MED16: variants seen among roughly 807,000 people sequenced by gnomAD.
The protein encoded by MED16 is mediator complex subunit 16, also known as mediator of RNA polymerase II transcription subunit 16.
MED16 carries 81 observed loss-of-function variants against 84.4 expected under a neutral mutation model. The ratio of observed to expected loss-of-function variants is 0.96; its 90% CI spans 0.80 to 1.15. The LOEUF (loss-of-function observed/expected upper bound fraction) is 1.15, where lower values mean the gene tolerates loss of function less well. Among genes scored for constraint, MED16 ranks in the 50% most tolerant of loss-of-function variants. The pLI, the probability that MED16 is intolerant of heterozygous loss-of-function variation, is 0.00. For missense variants in MED16, 1,585 were observed against 1,245.9 expected (o/e 1.27, Z -4.10); for synonymous variants, 897 against 552.2 (o/e 1.62, Z -8.76).
chr19:870,910 GCCGT>G, intron 13 of MED16, 123 bp downstream of exon 13: 2 of 917,526 alleles, frequency 2.2e-6, no homozygotes, highest in Non-Finnish European at 3.2e-6. Flanking sequence ...GAGGCGGGGA[GCCGT>G]GTGGATTCGG....
chr19:881,668 G>T lies in MED16; in HGVS notation c.1032C>A (p.Ala344=). The T allele has an allele frequency of 6.2e-7, 1 of 1,612,602 alleles. No individual in the cohort carries two copies. Residue 344 remains alanine (A), a synonymous_variant, in exon 7 of 16, where the codon GCC becomes GCA. Transcript: ENST00000325464. ...CCGACACACGGTCCAGATCGTTGGT[G>T]GCCGATAGGATCCGCCATTTGAGAA... is the stretch of plus-strand genomic sequence containing the variant. ...PTILKWRILS[A]TNDLDRVSAV...
chr19:870,796 G>A (rs1287038230), intron 13 of MED16, among the ~76,000 whole-genome samples: 2 of 148,556 alleles, frequency 1.3e-5, no homozygotes, highest in African/African-American at 5.0e-5. Context: ...GGGGGGACCC[G>A]GGGCAGGACA....
In MED16 at chr19:889,739, T is replaced by C. The variant is rs2036595141; in HGVS notation, c.346A>G (p.Asn116Asp). The change falls in exon 4 of 16, where the codon AAT becomes GAT. Residue 116 changes from asparagine (N) to aspartate (D), a missense_variant. Physicochemically the swap from Asn to Asp is conservative, Grantham distance 23. Transcript: ENST00000325464. ...CTGCCCACTGAGCTCTCCCAGCTAT[T>C]AGCCAGGTGGTCCGCCATGCTCCAG... ...KCWSMADHLA[N>D]SWESSVGSLV... 1 of 1,613,556 alleles carries C rather than the reference T, an allele frequency of 6.2e-7. No homozygotes were observed. Among genetic ancestry groups the C allele is most frequent in the Non-Finnish European group, 8.5e-7 (1 of 1,179,930 alleles).
At chr19:890,540 G>A (rs537107233) in intron 2 of MED16, 20 of 379,306 alleles carry the variant, frequency 5.3e-5, no homozygotes, top group Admixed American at 3.0e-4. Context: ...ACCCCGATTT[G>A]ATTCCAATTT....
intron 11 of MED16, 95 bp downstream of exon 11, chr19:873,349 GGGGCT>G (rs2036143472): frequency 4.8e-6 from 5 of 1,043,864 alleles, no homozygotes; most frequent in African/African-American, 4.0e-5. Flanking sequence ...AACTAGGGGC[GGGGCT>G]GAGGTGGTTT....
At chr19:891,591 CTGAG>C (rs1425793038) in intron 1 of MED16, among the ~76,000 whole-genome samples, 1 of 150,814 alleles carries the variant, frequency 6.6e-6, no homozygotes, top group African/African-American at 2.5e-5. Flanking sequence ...CGAGGCGGGG[CTGAG>C]TGACAGGGAA....
At chr19:884,035 G>T (rs536660271) in intron 6 of MED16, among the ~76,000 whole-genome samples, 1 of 152,090 alleles carries the variant, frequency 6.6e-6, no homozygotes, top group African/African-American at 2.4e-5. Context: ...TGCAGGCCCC[G>T]GGAGCCATCG....
In MED16 at chr19:868,099, C is replaced by A. The variant is rs777124816; in HGVS notation, c.*2G>T. ...CACAAGGTCCGCCTGGACCCCCGGC[C>A]GTCACGGACGGTCCTCTGGATGCAG... On this transcript the variant is annotated 3_prime_UTR_variant, in exon 16 of 16. Transcript: ENST00000325464. 1 of 1,600,678 alleles carries A rather than the reference C, an allele frequency of 6.2e-7. No homozygotes were observed. Among genetic ancestry groups the A allele is most frequent in the Non-Finnish European group, 8.5e-7 (1 of 1,176,108 alleles).
chr19:868,301 G>A (rs374540155), intron 15 of MED16, 50 bp from the exon 16 acceptor site: 658 of 1,587,246 alleles, frequency 4.1e-4, no homozygotes, highest in Non-Finnish European at 5.1e-4. Flanking sequence ...CAGGGCGAGC[G>A]GTGGCTCTTG....
At chr19:870,608 G>A (rs968924806) in intron 13 of MED16, among the ~76,000 whole-genome samples, 3 of 151,928 alleles carry the variant, frequency 2.0e-5, no homozygotes, top group Non-Finnish European at 4.4e-5. Flanking sequence ...GGAAGGGCTG[G>A]GTGCCCGTGT....
chr19:869,507 G>A (rs537175605), intron 13 of MED16, among the ~76,000 whole-genome samples: 48 of 152,270 alleles, frequency 3.2e-4, no homozygotes, highest in African/African-American at 6.3e-4. Context: ...AGCCTCTGAC[G>A]TAACCGTCCT....
rs869260826 is a variant in MED16 at position 892,938 on chromosome 19, G to GCCCCC, written c.-19+147_-19+148insGGGGG. On this transcript the variant is annotated intron_variant, in intron 1 of 15. Transcript: ENST00000325464. ...CCGCGCCCCGCGCCCCGCGCCCCGC[G>GCCCCC]CCCCAGGCCGCCTACCCAGCAGCCT... 2.5e-5 allele frequency: 3 copies of GCCCCC among 118,484 alleles called. No homozygotes were observed. The East Asian group carries it at 7.1e-4, about 28-fold the overall frequency. 7.3% of individuals were successfully genotyped at this position (118,484 alleles called of 1,614,324 possible). A position where few individuals can be genotyped will look rare whatever the true frequency, so the allele number is the denominator to read the frequency against.
At chr19:881,260 C>T (rs1268034526) in intron 7 of MED16, among the ~76,000 whole-genome samples, 1 of 152,198 alleles carries the variant, frequency 6.6e-6, no homozygotes, top group East Asian at 1.9e-4. Flanking sequence ...ACACATGCCG[C>T]CTACCCAGGA....
chr19:879,455 G>A (rs374984867), intron 8 of MED16, among the ~76,000 whole-genome samples: 777 of 9,542 alleles, frequency 0.081, 3 homozygotes, highest in African/African-American at 0.094. Context: ...CCAGCAGCTC[G>A]CCTTCCCCTG....
intron 8 of MED16, among the ~76,000 whole-genome samples, chr19:879,291 T>C (rs1474750412): frequency 2.2e-5 from 3 of 136,090 alleles, no homozygotes; most frequent in African/African-American, 8.4e-5. Context: ...CAGCTCACCT[T>C]CCCATGGTTG....
At chr19:873,406 G>A (rs771196506) in intron 11 of MED16, 43 bp downstream of exon 11, 2 of 1,586,002 alleles carry the variant, frequency 1.3e-6, no homozygotes, top group South Asian at 1.1e-5. Flanking sequence ...ATGAGATGGG[G>A]GCCCAGGTGG....
rs140635640 is a variant in MED16, at chr19:868,523, G to A, written c.2400-24C>T. ...ACCTGCGGGGAGGCAGGCACTGAGCGGGTTCCCACTTCCAGGCGGGCCTCC... is the reference window on the plus strand; with the variant it reads ...ACCTGCGGGGAGGCAGGCACTGAGCAGGTTCCCACTTCCAGGCGGGCCTCC... On this transcript the variant is annotated intron_variant, in intron 14 of 15. Coordinates refer to ENST00000325464, the MANE Select transcript of MED16 (RefSeq NM_005481.3). 6.3e-4 allele frequency: 1,017 copies of A among 1,605,992 alleles called. 2 individuals are homozygous for A. The highest frequency in any genetic ancestry group is 8.1e-4 in the Admixed American group (48 of 59,402).
intron 7 of MED16, 114 bp downstream of exon 7, chr19:881,445 C>T: frequency 3.1e-6 from 4 of 1,284,866 alleles, no homozygotes; most frequent in Non-Finnish European, 4.2e-6. Flanking sequence ...ATGGCCTGTG[C>T]TCAGAGCCCA....
chr19:872,154 G>T, intron 11 of MED16, 36 bp from the exon 12 acceptor site: 1 of 1,560,662 alleles, frequency 6.4e-7, no homozygotes, highest in Non-Finnish European at 8.7e-7. Context: ...CTGGGGCGGC[G>T]GGGGGCAGAT....
Sources: gnomAD v4.1 joint callset for allele counts (sites outside exome capture counted in the v4.1 genomes callset) on GRCh38, gnomAD v4.1.1 for gene constraint, MANE v1.5 for transcripts, NCBI Gene and HGNC (gene_info 2026-07-23, HGNC 2026-07-21) for gene names.